EXOC6: variants seen among roughly 807,000 people sequenced by gnomAD.
EXOC6 encodes the protein exocyst complex component 6, also known as SEC15-like 1.
In EXOC6, 60 loss-of-function variants were observed where a neutral mutation model predicts 112.5. The ratio of observed to expected loss-of-function variants is 0.53; its 90% confidence interval spans 0.43 to 0.66. The LOEUF is 0.66. EXOC6 is among the 30% of genes least tolerant of loss of function. EXOC6 has a pLI of 0.00. For synonymous variants in EXOC6, 295 were observed against 308.0 expected (o/e 0.96, Z 0.44); for missense variants, 855 against 957.1 (o/e 0.89, Z 1.41).
At chr10:93,056,836 T>C in intron 20 of EXOC6, 88 bp from the exon 21 acceptor site, 1 of 732,830 alleles carries the variant, frequency 1.4e-6, no homozygotes, top group East Asian at 2.8e-5. Flanking sequence ...GCAAGCCATA[T>C]TAAAATGGAC....
intron 18 of EXOC6, among the ~76,000 whole-genome samples, chr10:92,975,441 T>C (rs1842493978): frequency 1.3e-5 from 2 of 149,390 alleles, no homozygotes; most frequent in Admixed American, 1.3e-4. Context: ...GAGGAGCGTC[T>C]CCGCCCGGCA....
rs913553015 is a variant in EXOC6 at position 93,058,168 on chromosome 10, C to G, written c.2283-55C>G. The G allele has an allele frequency of 7.2e-6, 11 of 1,536,374 alleles. No individual in the cohort carries two copies. The African/African-American group carries it at 1.4e-4, about 20-fold the overall frequency. On this transcript the variant is annotated intron_variant, in intron 21 of 21. Coordinates refer to ENST00000260762, the MANE Select transcript of EXOC6 (RefSeq NM_019053.6). ...GCATGCCAAGATATTTTACTTGTGA[C>G]AGCTTAGCTTTTAATTTTCTTTTAC... is the stretch of plus-strand genomic sequence containing the variant.
chr10:92,913,016 A>G (rs1415571382), intron 6 of EXOC6, among the ~76,000 whole-genome samples: 1 of 152,312 alleles, frequency 6.6e-6, no homozygotes, highest in African/African-American at 2.4e-5. Flanking sequence ...TGCAGGGGGA[A>G]GCACATCACG....
chr10:92,934,557 G>C, intron 11 of EXOC6, 127 bp downstream of exon 11: 1 of 788,270 alleles, frequency 1.3e-6, no homozygotes, highest in Non-Finnish European at 1.8e-6. Context: ...CTTAGATTTG[G>C]AAGTAGTAAT....
chr10:92,914,339 T>G (rs570655666), intron 6 of EXOC6, among the ~76,000 whole-genome samples: 1 of 152,320 alleles, frequency 6.6e-6, no homozygotes, highest in South Asian at 2.1e-4. Flanking sequence ...ACAAAAGGAC[T>G]AAATAGTCAA....
chr10:92,826,959 A>G (rs1045839959), intron 1 of EXOC6, among the ~76,000 whole-genome samples: 4 of 152,182 alleles, frequency 2.6e-5, no homozygotes, highest in African/African-American at 9.7e-5. Flanking sequence ...GGAGCAAGAG[A>G]TGACATCAGG....
chr10:92,916,988 G>A (rs1251842289), intron 7 of EXOC6, among the ~76,000 whole-genome samples: 1 of 150,800 alleles, frequency 6.6e-6, no homozygotes, highest in East Asian at 1.9e-4. Context: ...TTTTGAGACG[G>A]GTTCTCACTG....
chr10:92,991,435 C>CAAAAAAAAAAAAAAAAAAAA (rs1449664701), intron 18 of EXOC6, among the ~76,000 whole-genome samples: 1 of 48,844 alleles, frequency 2.0e-5, no homozygotes, highest in Admixed American at 2.2e-4. Flanking sequence ...GACTCCATCT[C>CAAAAAAAAAAAAAAAAAAAA]AAAAAAAAAA....
In EXOC6 at chr10:93,050,759, CA is replaced by C. The variant is rs58439083; in HGVS notation, c.2170-6143del. Among the ~76,000 whole-genome samples the C allele has an allele frequency of 3.8e-3, 142 of 37,302 alleles. 1 individual carries two copies. The highest frequency in any genetic ancestry group is 0.027 in the East Asian group (31 of 1,168). 24.5% of individuals were successfully genotyped at this position (37,302 alleles called of 152,430 possible). ...TGGGCAACAAAGCGAGACTCCGTCT[CA>C]AAAAAAAAAAAAAAAAAAAAAGAAT... On this transcript the variant is annotated intron_variant, in intron 20 of 21. Transcript: ENST00000260762.
intron 12 of EXOC6, among the ~76,000 whole-genome samples, chr10:92,938,717 G>C (rs1306563954): frequency 1.3e-5 from 2 of 152,114 alleles, no homozygotes; most frequent in African/African-American, 4.8e-5. Flanking sequence ...AGACATAAAA[G>C]TCAGTAAGAC....
chr10:92,919,368 A>G (rs949831601), intron 7 of EXOC6, among the ~76,000 whole-genome samples: 1 of 152,220 alleles, frequency 6.6e-6, no homozygotes, highest in African/African-American at 2.4e-5. Flanking sequence ...TGTTCCTTTA[A>G]AAAGGGTTTA....
chr10:93,040,230 C>A (rs761158012), intron 20 of EXOC6, among the ~76,000 whole-genome samples: 6 of 152,132 alleles, frequency 3.9e-5, no homozygotes, highest in African/African-American at 1.4e-4. Flanking sequence ...TTTCATTATT[C>A]ATCTGCCTTT....
intron 20 of EXOC6, among the ~76,000 whole-genome samples, chr10:93,031,106 G>C (rs1383200209): frequency 6.6e-6 from 1 of 152,124 alleles, no homozygotes; most frequent in African/African-American, 2.4e-5. Context: ...AAGAGAAGGA[G>C]GTAGAGGAAC....
At chr10:92,895,988 T>A (rs1849730787) in intron 4 of EXOC6, among the ~76,000 whole-genome samples, 1 of 144,024 alleles carries the variant, frequency 6.9e-6, no homozygotes, top group Non-Finnish European at 1.5e-5. Context: ...GATGATGAGA[T>A]GTTTTATATT....
intron 5 of EXOC6, 48 bp from the exon 6 acceptor site, chr10:92,909,379 A>G: frequency 3.0e-6 from 4 of 1,328,506 alleles, no homozygotes; most frequent in Non-Finnish European, 4.2e-6. Context: ...TTGTAAAAAT[A>G]TTGTGATAAG....
chr10:92,863,285 T>A (rs1847995011), intron 1 of EXOC6, among the ~76,000 whole-genome samples: 1 of 152,232 alleles, frequency 6.6e-6, no homozygotes, highest in Non-Finnish European at 1.5e-5. Flanking sequence ...TAGTACATTT[T>A]TTACCTATAG....
chr10:93,001,167 C>A (rs1255253847), intron 19 of EXOC6, among the ~76,000 whole-genome samples: 1 of 152,084 alleles, frequency 6.6e-6, no homozygotes, highest in African/African-American at 2.4e-5. Flanking sequence ...GAGAAAAGGT[C>A]AGGATACCAT....
At chr10:93,025,129 T>C (rs1844968996) in intron 20 of EXOC6, among the ~76,000 whole-genome samples, 1 of 152,204 alleles carries the variant, frequency 6.6e-6, no homozygotes, top group Non-Finnish European at 1.5e-5. Flanking sequence ...AGTCTATGTT[T>C]AACTTTTTTA....
At chr10:92,887,954 G>C (rs1849309060) in intron 1 of EXOC6, among the ~76,000 whole-genome samples, 1 of 152,086 alleles carries the variant, frequency 6.6e-6, no homozygotes, top group South Asian at 2.1e-4. Flanking sequence ...TATGGGTTGT[G>C]GGTGACACGT....
Sources: gnomAD v4.1 joint callset for allele counts (sites outside exome capture counted in the v4.1 genomes callset) on GRCh38, gnomAD v4.1.1 for gene constraint, MANE v1.5 for transcripts, NCBI Gene and HGNC (gene_info 2026-07-23, HGNC 2026-07-21) for gene names.